AMMECR1: variants seen among roughly 807,000 people sequenced by gnomAD.
AMMECR1 encodes the protein AMMECR nuclear protein 1, also known as nuclear protein AMMECR1.
In AMMECR1, 3 loss-of-function variants were observed where a neutral mutation model predicts 22.5. That is an observed-to-expected ratio of 0.13 (90% CI 0.06 to 0.35). AMMECR1 has a LOEUF of 0.35. Among genes scored for constraint, AMMECR1 ranks in the 10% least tolerant of loss-of-function variants. The pLI is 1.00. For synonymous variants in AMMECR1, 130 were observed against 116.7 expected, an observed-to-expected ratio of 1.11 and a Z score of -0.74; for missense variants, 235 against 278.7, an observed-to-expected ratio of 0.84 and a Z score of 1.12.
At chrX:110,342,112 T>TA (rs747821359) in intron 2 of AMMECR1, among the ~76,000 whole-genome samples, 1 of 111,003 alleles carries the variant, frequency 9.0e-6, no homozygotes, top group Non-Finnish European at 1.9e-5. Flanking sequence ...ATTTAGTAAA[T>TA]AAAAAAAACT....
At chrX:110,433,008 A>T (rs2148333062) in intron 1 of AMMECR1, among the ~76,000 whole-genome samples, 1 of 112,287 alleles carries the variant, frequency 8.9e-6, no homozygotes. Context: ...CAAGTCCTCG[A>T]CCTCCTGGCC....
intron 2 of AMMECR1, among the ~76,000 whole-genome samples, chrX:110,247,568 G>A (rs2067664672): frequency 9.0e-6 from 1 of 111,428 alleles, no homozygotes; most frequent in Non-Finnish European, 1.9e-5. Context: ...GCTTGCACCT[G>A]TAATCCCAGC....
chrX:110,236,736 G>A (rs1468735108), intron 2 of AMMECR1, among the ~76,000 whole-genome samples: 1 of 112,010 alleles, frequency 8.9e-6, no homozygotes, highest in Non-Finnish European at 1.9e-5. Context: ...TGGCATTACT[G>A]GTTATACTTT....
upstream of AMMECR1, among the ~76,000 whole-genome samples, chrX:110,319,662 A>G (rs766223620): frequency 8.9e-6 from 1 of 112,239 alleles, no homozygotes; most frequent in South Asian, 3.7e-4. Flanking sequence ...ATAAGATACT[A>G]TCTCGTTTTA....
exon 2 of AMMECR1, chrX:110,426,698 C>T (rs184149915): frequency 2.7e-5 from 3 of 111,730 alleles, no homozygotes; most frequent in East Asian, 2.8e-4. Context: ...ACCTGGAGCT[C>T]GGGTGGGTGG....
intron 1 of AMMECR1, among the ~76,000 whole-genome samples, chrX:110,292,868 G>T (rs999837276): frequency 2.7e-5 from 3 of 111,831 alleles, no homozygotes; most frequent in Non-Finnish European, 5.7e-5. Flanking sequence ...GTTAATGTAG[G>T]GACATCAGTT....
chrX:110,275,758 G>A (rs1199478444), intron 1 of AMMECR1, among the ~76,000 whole-genome samples: 3 of 111,013 alleles, frequency 2.7e-5, no homozygotes, highest in Non-Finnish European at 5.7e-5. Context: ...TGAACCCAGG[G>A]TGCGGAGGTT....
At chrX:110,226,435 C>G (rs1241544748) in intron 2 of AMMECR1, among the ~76,000 whole-genome samples, 1 of 111,310 alleles carries the variant, frequency 9.0e-6, no homozygotes, top group East Asian at 2.8e-4. Context: ...AAAACCCCAT[C>G]TCTACTAAAA....
chrX:110,347,007 G>A, intron 2 of AMMECR1: 1 of 472,457 alleles, frequency 2.1e-6, no homozygotes, highest in Non-Finnish European at 3.9e-6. Flanking sequence ...TATTAGAAGG[G>A]CTCAGGAATA....
chrX:110,366,725 CTT>C (rs1264722401), intron 2 of AMMECR1, among the ~76,000 whole-genome samples: 3 of 111,578 alleles, frequency 2.7e-5, no homozygotes, highest in African/African-American at 9.8e-5. Context: ...ATCCTACTCT[CTT>C]TATTCCCAAC....
At chrX:110,397,661 C>T (rs2068536906) in intron 2 of AMMECR1, among the ~76,000 whole-genome samples, 1 of 111,142 alleles carries the variant, frequency 9.0e-6, no homozygotes, top group Non-Finnish European at 1.9e-5. Context: ...CCTGGTTTCT[C>T]TCTCCCTTTT....
intron 2 of AMMECR1, among the ~76,000 whole-genome samples, chrX:110,344,750 A>G (rs1327111125): frequency 8.9e-6 from 1 of 111,833 alleles, no homozygotes; most frequent in Non-Finnish European, 1.9e-5. Context: ...AAAAATGCTC[A>G]TCATCACTGG....
intron 2 of AMMECR1, among the ~76,000 whole-genome samples, chrX:110,356,003 TCTC>T (rs1261902752): frequency 1.8e-5 from 2 of 110,983 alleles, no homozygotes; most frequent in East Asian, 5.6e-4. Flanking sequence ...TATTGTGTGA[TCTC>T]CTACGTGAAA....
chrX:110,229,336 C>A (rs968218994), intron 2 of AMMECR1, among the ~76,000 whole-genome samples: 4 of 112,104 alleles, frequency 3.6e-5, no homozygotes, highest in Admixed American at 9.5e-5. Flanking sequence ...TTATTTAATT[C>A]TCCCATTGAA....
chrX:110,265,501 C>G (rs1326299965), intron 1 of AMMECR1, among the ~76,000 whole-genome samples: 1 of 111,906 alleles, frequency 8.9e-6, no homozygotes, highest in Non-Finnish European at 1.9e-5. Flanking sequence ...AAGTTTAATA[C>G]AGTAGATGCT....
chrX:110,403,718 C>T (rs1273047993), intron 2 of AMMECR1, among the ~76,000 whole-genome samples: 1 of 112,058 alleles, frequency 8.9e-6, no homozygotes. Context: ...CATTTGGCAG[C>T]GCAACTTGAA....
intron 2 of AMMECR1, among the ~76,000 whole-genome samples, chrX:110,395,328 CAA>C (rs901267547): frequency 7.1e-5 from 8 of 112,218 alleles, no homozygotes; most frequent in African/African-American, 1.9e-4. Flanking sequence ...TCCCAGACCT[CAA>C]CTCATGTCTT....
intron 2 of AMMECR1, among the ~76,000 whole-genome samples, chrX:110,343,512 G>T (rs1234787925): frequency 9.0e-6 from 1 of 111,051 alleles, no homozygotes; most frequent in Non-Finnish European, 1.9e-5. Context: ...GCAGGAGAAA[G>T]AAATAAAGGG....
intron 2 of AMMECR1, among the ~76,000 whole-genome samples, chrX:110,338,179 A>G (rs1197063935): frequency 8.9e-6 from 1 of 112,308 alleles, no homozygotes; most frequent in East Asian, 2.8e-4. Flanking sequence ...TGTGTTTAAT[A>G]CCACTGAACT....
Sources: gnomAD v4.1 joint callset for allele counts (sites outside exome capture counted in the v4.1 genomes callset) on GRCh38, gnomAD v4.1.1 for gene constraint, MANE v1.5 for transcripts, NCBI Gene and HGNC (gene_info 2026-07-23, HGNC 2026-07-21) for gene names.